PDE12: variants seen among roughly 807,000 people sequenced by gnomAD.
The protein encoded by PDE12 is 2',5'-phosphodiesterase 12.
In PDE12, 26 loss-of-function variants were observed where a neutral mutation model predicts 45.4. The ratio of observed to expected loss-of-function variants is 0.57; its 90% CI spans 0.42 to 0.79. The LOEUF (loss-of-function observed/expected upper bound fraction) is 0.79, where lower values mean the gene tolerates loss of function less well. Ranked by LOEUF, PDE12 falls within the 30% of genes least tolerant of loss-of-function variation. The probability of loss-of-function intolerance (pLI) is 0.00; values close to 1 mark genes in which losing one functional copy is unlikely to be tolerated. For missense variants in PDE12, 668 were observed against 790.0 expected (o/e 0.85, Z 1.85); for synonymous variants, 283 against 323.9 (o/e 0.87, Z 1.36).
At chr3:57,614,705 C>T in the PDE12 span, among the ~76,000 whole-genome samples, 2 of 151,280 alleles carry the variant, frequency 1.3e-5, no homozygotes, top group South Asian at 2.1e-4. Context: ...CCAACACGCC[C>T]GGCTAAATTT....
chr3:57,559,036 C>A (rs910023906), intron 1 of PDE12, among the ~76,000 whole-genome samples: 1 of 151,266 alleles, frequency 6.6e-6, no homozygotes, highest in East Asian at 2.0e-4. Context: ...CTGGCTAACA[C>A]GATGAAACCC....
At chr3:57,609,508 G>T in the PDE12 span, among the ~76,000 whole-genome samples, 2 of 151,774 alleles carry the variant, frequency 1.3e-5, no homozygotes, top group Non-Finnish European at 2.9e-5. Context: ...AATAAGAAGA[G>T]AGAGAAGAAT....
the PDE12 span, among the ~76,000 whole-genome samples, chr3:57,629,758 G>A: frequency 5.4e-3 from 808 of 150,620 alleles, 1 homozygote; most frequent in Non-Finnish European, 9.3e-3. Flanking sequence ...TCCTGACCTC[G>A]TGATCCACCC....
rs529418117 is a variant in PDE12, at chr3:57,559,159, T to A, written c.1309-151T>A. 42 of 596,296 alleles carry A rather than the reference T, an allele frequency of 7.0e-5. No homozygotes were observed. In the East Asian group the frequency reaches 1.2e-3, roughly 17 times the overall value. 36.9% of individuals were successfully genotyped at this position (596,296 alleles called of 1,614,324 possible). A position where few individuals can be genotyped will look rare whatever the true frequency, so the allele number is the denominator to read the frequency against. The stretch of plus-strand genomic sequence containing the variant: ...TCGCTTGAACCCGGGAGGCGGAGCT[T>A]GCAGTGAGCCGAGATCGCGCTACTG... On this transcript the variant is annotated intron_variant, in intron 1 of 2. Coordinates refer to ENST00000311180, the MANE Select transcript of PDE12 (RefSeq NM_177966.7).
chr3:57,645,296 A>G, the PDE12 span, among the ~76,000 whole-genome samples: 1 of 151,958 alleles, frequency 6.6e-6, no homozygotes, highest in Non-Finnish European at 1.5e-5. Context: ...CCCTGTCTCT[A>G]CTAAAAATAC....
the PDE12 span, among the ~76,000 whole-genome samples, chr3:57,581,454 CAAG>C: frequency 1.3e-5 from 2 of 152,164 alleles, no homozygotes; most frequent in African/African-American, 4.8e-5. Context: ...TACCCTTGGT[CAAG>C]AATTATTAGG....
chr3:57,622,245 T>C, the PDE12 span, among the ~76,000 whole-genome samples: 60 of 151,934 alleles, frequency 3.9e-4, no homozygotes, highest in African/African-American at 1.3e-3. Flanking sequence ...GGCACAACCA[T>C]AGGAAGTTAC....
chr3:57,571,944 C>A, the PDE12 span: 1 of 333,576 alleles, frequency 3.0e-6, no homozygotes, highest in Non-Finnish European at 5.5e-6. Context: ...TTAAAGGTTG[C>A]ACAAGAGCTA....
chr3:57,648,754 C>T, the PDE12 span, among the ~76,000 whole-genome samples: 1 of 152,054 alleles, frequency 6.6e-6, no homozygotes, highest in Admixed American at 6.6e-5. Flanking sequence ...CAAACAAAAA[C>T]ATAAAGTGGG....
At chr3:57,636,404 T>C in the PDE12 span, among the ~76,000 whole-genome samples, 2 of 152,098 alleles carry the variant, frequency 1.3e-5, no homozygotes, top group Admixed American at 1.3e-4. Context: ...ATTCAGTAAA[T>C]ATTAAGTAAA....
At chr3:57,608,664 G>A in the PDE12 span, among the ~76,000 whole-genome samples, 1 of 151,866 alleles carries the variant, frequency 6.6e-6, no homozygotes, top group Non-Finnish European at 1.5e-5. Flanking sequence ...ATGGTAAAGG[G>A]ATCAATTCAA....
rs1208909469 is a variant in PDE12, at chr3:57,560,649, A to T, written c.*645A>T. The stretch of plus-strand genomic sequence containing the variant: ...CCCTTGTGTACATTTTTATAAGAGA[A>T]TTTTTTTAGCTAGGAGTTCAGAATT... On this transcript the variant is annotated 3_prime_UTR_variant, in exon 3 of 3. Transcript: ENST00000311180. The T allele has an allele frequency of 1.0e-6, 1 of 985,138 alleles. No individual in the cohort carries two copies. The highest frequency in any genetic ancestry group is 1.2e-6 in the Non-Finnish European group (1 of 829,824). The allele number at this position is 985,138 out of a possible 1,614,324, so 61.0% of individuals were successfully genotyped here.
chr3:57,633,548 A>G, the PDE12 span, among the ~76,000 whole-genome samples: 4 of 152,308 alleles, frequency 2.6e-5, no homozygotes, highest in African/African-American at 4.8e-5. Context: ...GGAGCAAAAC[A>G]TAAGAGTTCT....
the PDE12 span, chr3:57,628,449 T>C: frequency 7.0e-7 from 1 of 1,425,512 alleles, no homozygotes; most frequent in South Asian, 1.6e-5. Context: ...ATTAGATACT[T>C]TCAGTCTTAG....
At chr3:57,623,640 T>C in the PDE12 span, among the ~76,000 whole-genome samples, 1 of 152,106 alleles carries the variant, frequency 6.6e-6, no homozygotes, top group South Asian at 2.1e-4. Context: ...GATGGCGCCA[T>C]TGCACTTCAG....
chr3:57,632,944 T>C, the PDE12 span, among the ~76,000 whole-genome samples: 1 of 152,206 alleles, frequency 6.6e-6, no homozygotes, highest in Non-Finnish European at 1.5e-5. Flanking sequence ...GTGAAAAATG[T>C]AGTAACTACA....
At chr3:57,622,991 C>T in the PDE12 span, among the ~76,000 whole-genome samples, 1 of 152,128 alleles carries the variant, frequency 6.6e-6, no homozygotes, top group Non-Finnish European at 1.5e-5. Flanking sequence ...TGAATATGTT[C>T]ACTATCTTGG....
At chr3:57,641,801 A>C in the PDE12 span, 3 of 1,429,252 alleles carry the variant, frequency 2.1e-6, no homozygotes, top group Non-Finnish European at 2.9e-6. Context: ...GATGAATGCT[A>C]AATCAGTGAA....
At chr3:57,624,748 T>A in the PDE12 span, among the ~76,000 whole-genome samples, 21 of 150,890 alleles carry the variant, frequency 1.4e-4, no homozygotes, top group African/African-American at 4.9e-4. Context: ...TGGGTGACAG[T>A]GCAAGACTCC....
Sources: allele counts gnomAD v4.1 joint callset (sites outside exome capture counted in the v4.1 genomes callset), GRCh38; gene constraint gnomAD v4.1.1; transcripts MANE v1.5; gene names NCBI Gene and HGNC (gene_info 2026-07-23, HGNC 2026-07-21).